The following MTMR3 variants were observed in gnomAD, a reference collection of about 807,000 sequenced individuals.
The protein encoded by MTMR3 is myotubularin related protein 3, also known as phosphatidylinositol-3,5-bisphosphate 3-phosphatase MTMR3.
MTMR3 carries 32 observed loss-of-function variants against 132.4 expected under a neutral mutation model. The ratio of observed to expected loss-of-function variants is 0.24; its 90% CI spans 0.18 to 0.32. MTMR3 has a LOEUF of 0.32. Ranked by LOEUF, MTMR3 falls within the 10% of genes least tolerant of loss-of-function variation. The probability of loss-of-function intolerance (pLI) is 1.00; values close to 1 mark genes in which losing one functional copy is unlikely to be tolerated. For missense variants in MTMR3, 1,216 were observed against 1,489.6 expected, an observed-to-expected ratio of 0.82 and a Z score of 3.02; for synonymous variants, 556 against 550.3, an observed-to-expected ratio of 1.01 and a Z score of -0.14.
At chr22:30,015,604 T>G (rs938105033) in intron 14 of MTMR3, 4 of 150,652 alleles carry the variant, frequency 2.7e-5, no homozygotes, top group Admixed American at 1.3e-4. Context: ...CCACCTTTAC[T>G]GGTACCACAC....
At chr22:30,022,166 GC>G (rs768369327) in intron 18 of MTMR3, 27 bp downstream of exon 18, 2 of 1,569,058 alleles carry the variant, frequency 1.3e-6, no homozygotes, top group Non-Finnish European at 1.8e-6. Flanking sequence ...TGCTCTGAGT[GC>G]CATCAATTTA....
At chr22:29,990,233 G>GA (rs2066934761) in intron 6 of MTMR3, 1 of 152,130 alleles carries the variant, frequency 6.6e-6, no homozygotes, top group East Asian at 1.9e-4. Context: ...GACTCCATCT[G>GA]AAAAACCAAA....
intron 13 of MTMR3, chr22:30,012,912 C>A (rs1417850950): frequency 1.4e-5 from 3 of 211,888 alleles, no homozygotes; most frequent in Admixed American, 5.7e-5. Context: ...AGCAGCTCTA[C>A]CTGAAATAAC....
intron 18 of MTMR3, 28 bp from the exon 19 acceptor site, chr22:30,022,581 C>G: frequency 6.2e-7 from 1 of 1,601,184 alleles, no homozygotes; most frequent in Admixed American, 1.7e-5. Context: ...CATCTCCTGT[C>G]AGTAACCTGG....
intron 1 of MTMR3, among the ~76,000 whole-genome samples, chr22:29,948,954 C>T (rs1465253960): frequency 2.0e-5 from 3 of 151,674 alleles, no homozygotes; most frequent in South Asian, 4.2e-4. Flanking sequence ...AAAAATGAGC[C>T]GGGCATGGTG....
intron 7 of MTMR3, chr22:29,992,178 T>G (rs1214210594): frequency 6.6e-6 from 1 of 152,442 alleles, no homozygotes; most frequent in Non-Finnish European, 1.5e-5. Context: ...CCTCTTGGGT[T>G]CAAGCAATTC....
intron 1 of MTMR3, among the ~76,000 whole-genome samples, chr22:29,896,804 C>T (rs1287800106): frequency 6.6e-6 from 1 of 150,522 alleles, no homozygotes; most frequent in Admixed American, 6.6e-5. Context: ...ATTACATTTG[C>T]ACCAAACTAA....
At chr22:29,906,306 A>ATCTG (rs1568998466) in intron 1 of MTMR3, among the ~76,000 whole-genome samples, 18 of 112,364 alleles carry the variant, frequency 1.6e-4, no homozygotes, top group Non-Finnish European at 3.4e-4. Flanking sequence ...CTATCTATCT[A>ATCTG]TCTATCTATC....
intron 1 of MTMR3, among the ~76,000 whole-genome samples, chr22:29,946,979 A>G (rs1026157368): frequency 6.6e-6 from 1 of 152,226 alleles, no homozygotes; most frequent in Non-Finnish European, 1.5e-5. Flanking sequence ...TATATGCTTT[A>G]GAATATAGGG....
At chr22:29,968,283 T>C (rs2066469121) in intron 2 of MTMR3, among the ~76,000 whole-genome samples, 1 of 152,202 alleles carries the variant, frequency 6.6e-6, no homozygotes, top group Non-Finnish European at 1.5e-5. Flanking sequence ...ATTTTGTTAT[T>C]TAATAGTTTT....
intron 5 of MTMR3, chr22:29,988,188 C>A: frequency 4.7e-6 from 1 of 212,550 alleles, no homozygotes. Flanking sequence ...GTACTCTGAT[C>A]TTGTGAATTC....
At chr22:29,937,483 C>T (rs2065772986) in intron 1 of MTMR3, among the ~76,000 whole-genome samples, 1 of 150,784 alleles carries the variant, frequency 6.6e-6, no homozygotes, top group Non-Finnish European at 1.5e-5. Flanking sequence ...GCAGCACAAT[C>T]ATAGCTTACT....
chr22:29,899,903 A>T (rs1480451823), intron 1 of MTMR3, among the ~76,000 whole-genome samples: 3 of 152,186 alleles, frequency 2.0e-5, no homozygotes, highest in Non-Finnish European at 4.4e-5. Flanking sequence ...CTTTGTATGT[A>T]TATTATACCT....
At chr22:30,004,452 G>C (rs1253528671) in intron 9 of MTMR3, 1 of 152,168 alleles carries the variant, frequency 6.6e-6, no homozygotes, top group African/African-American at 2.4e-5. Flanking sequence ...TAAGAGGGCT[G>C]GTTGAAGAAA....
chr22:29,885,114 A>G (rs550305832), intron 1 of MTMR3, among the ~76,000 whole-genome samples: 1 of 152,244 alleles, frequency 6.6e-6, no homozygotes, highest in East Asian at 1.9e-4. Flanking sequence ...TGTCTAGTTT[A>G]AGGCTGGTCA....
chr22:29,980,207 T>A (rs2066713093), intron 5 of MTMR3: 1 of 152,146 alleles, frequency 6.6e-6, no homozygotes, highest in Non-Finnish European at 1.5e-5. Context: ...AAAGACTCAG[T>A]GGCTGTCATT....
intron 1 of MTMR3, among the ~76,000 whole-genome samples, chr22:29,897,001 A>G (rs574530494): frequency 5.9e-5 from 9 of 152,170 alleles, no homozygotes; most frequent in Admixed American, 1.3e-4. Flanking sequence ...TAAATATTTA[A>G]AAAATTTAGA....
chr22:29,998,936 T>C, intron 8 of MTMR3, 79 bp downstream of exon 8: 3 of 860,806 alleles, frequency 3.5e-6, no homozygotes, highest in East Asian at 2.9e-5. Flanking sequence ...GGCAGAACAT[T>C]TGAACTTAGA....
chr22:30,025,665 A>G lies in MTMR3; in HGVS notation c.3461A>G (p.Asn1154Ser). The change falls in exon 20 of 20, where the codon AAC (asparagine) becomes AGC (serine). Residue 1154 changes from asparagine to serine, a missense_variant. Asn to Ser is a conservative substitution (Grantham distance 46). Transcript: ENST00000401950. The part of the protein sequence containing the change: ...CGNVFCSSCC[N>S]QKVPVPSQQL... ...AACGTATTCTGCTCCAGTTGTTGTA[A>G]CCAGAAGGTTCCAGTTCCCAGCCAG... The G allele has an allele frequency of 6.2e-7, 1 of 1,614,110 alleles. No individual in the cohort carries two copies. The highest frequency in any genetic ancestry group is 1.1e-5 in the South Asian group (1 of 91,080).
Sources: gnomAD v4.1 joint callset for allele counts (sites outside exome capture counted in the v4.1 genomes callset) on GRCh38, gnomAD v4.1.1 for gene constraint, MANE v1.5 for transcripts, NCBI Gene and HGNC (gene_info 2026-07-23, HGNC 2026-07-21) for gene names.